The following ABCB5 variants were observed in gnomAD, a reference collection of about 807,000 sequenced individuals.
ABCB5 encodes the protein ATP binding cassette subfamily B member 5, also known as ATP-binding cassette sub-family B member 5.
ABCB5 carries 155 observed loss-of-function variants against 144.2 expected under a neutral mutation model. The ratio of observed to expected loss-of-function variants is 1.08; its 90% CI spans 0.94 to 1.23. The LOEUF (loss-of-function observed/expected upper bound fraction) is 1.23. Ranked by LOEUF, ABCB5 falls within the 50% of genes most tolerant of loss-of-function variation. The pLI is 0.00. For missense variants in ABCB5, 1,830 were observed against 1,520.8 expected (o/e 1.20, Z -3.38); for synonymous variants, 610 against 528.6 (o/e 1.15, Z -2.11).
chr7:20,689,706 G>T (rs1428816118), intron 16 of ABCB5, among the ~76,000 whole-genome samples: 1 of 152,146 alleles, frequency 6.6e-6, no homozygotes, highest in African/African-American at 2.4e-5. Flanking sequence ...AGCTTTCCCA[G>T]GGAGCACCAG....
intron 16 of ABCB5, 30 bp from the exon 17 acceptor site, chr7:20,698,377 G>T: frequency 6.5e-7 from 1 of 1,537,452 alleles, no homozygotes; most frequent in Non-Finnish European, 8.7e-7. Flanking sequence ...ACACAAACTG[G>T]CATTTTTAAC....
At chr7:20,617,369 A>T (rs1783711447) in intron 1 of ABCB5, among the ~76,000 whole-genome samples, 1 of 152,132 alleles carries the variant, frequency 6.6e-6, no homozygotes. Flanking sequence ...TTTAACATGC[A>T]CTCCAGGTGA....
intron 24 of ABCB5, among the ~76,000 whole-genome samples, chr7:20,741,318 CA>C (rs1365203914): frequency 6.6e-6 from 1 of 151,618 alleles, no homozygotes; most frequent in Non-Finnish European, 1.5e-5. Flanking sequence ...AGCTATTATA[CA>C]AAATACTTAC....
intron 4 of ABCB5, among the ~76,000 whole-genome samples, chr7:20,629,813 G>A (rs564332034): frequency 2.0e-5 from 3 of 152,158 alleles, no homozygotes; most frequent in South Asian, 2.1e-4. Flanking sequence ...AAATAATCAA[G>A]TATGATCAAA....
At chr7:20,620,323 T>A (rs1375427786) in intron 1 of ABCB5, among the ~76,000 whole-genome samples, 2 of 151,838 alleles carry the variant, frequency 1.3e-5, no homozygotes, top group African/African-American at 4.8e-5. Flanking sequence ...TGGGAAAAAA[T>A]TTTTGACACT....
At chr7:20,716,394 A>T (rs1457113857) in intron 20 of ABCB5, among the ~76,000 whole-genome samples, 1 of 152,192 alleles carries the variant, frequency 6.6e-6, no homozygotes, top group East Asian at 1.9e-4. Context: ...TTATAATTTT[A>T]AAAAATAGCT....
intron 20 of ABCB5, among the ~76,000 whole-genome samples, chr7:20,709,678 T>G (rs1223791367): frequency 2.0e-5 from 3 of 150,108 alleles, no homozygotes; most frequent in Non-Finnish European, 4.4e-5. Flanking sequence ...TGTAGCATGC[T>G]GAGAAGCAGG....
intron 5 of ABCB5, among the ~76,000 whole-genome samples, chr7:20,632,890 T>C (rs1001732441): frequency 3.3e-5 from 5 of 150,468 alleles, no homozygotes; most frequent in South Asian, 2.1e-4. Flanking sequence ...AGGGATAGCA[T>C]TGGGAGATAT....
rs190267847 is a variant in ABCB5, at chr7:20,731,103, C to T, written c.2867+2648C>T. Among the ~76,000 whole-genome samples the T allele has an allele frequency of 9.5e-4, 144 of 151,912 alleles. 1 individual carries two copies. Among genetic ancestry groups the T allele is most frequent in the African/African-American group, 3.4e-3 (139 of 41,414 alleles). On this transcript the variant is annotated intron_variant, in intron 23 of 27. Coordinates refer to ENST00000404938, the MANE Select transcript of ABCB5 (RefSeq NM_001163941.2). The stretch of plus-strand genomic sequence containing the variant: ...GGCACGGTGGCTCATGCCTGTAGTC[C>T]CAACACTTTGGGAGGCAGAGGTGGG...
chr7:20,719,464 T>C (rs2128048657), intron 20 of ABCB5, among the ~76,000 whole-genome samples: 1 of 152,358 alleles, frequency 6.6e-6, no homozygotes, highest in Middle Eastern at 3.4e-3. Context: ...ATTTATAATG[T>C]GCAAAAATGG....
chr7:20,652,570 A>G (rs1233344516), intron 13 of ABCB5, among the ~76,000 whole-genome samples: 2 of 143,200 alleles, frequency 1.4e-5, no homozygotes, highest in South Asian at 2.3e-4. Flanking sequence ...ACTTTATGGG[A>G]AAAAAAAGTG....
rs935128568 is a variant in ABCB5, at chr7:20,714,900, T to A, written c.2422-8116T>A. ...TGGTGTGTATAGTCCTTAGACAAAC[T>A]TTAAGTGACATGACTCTCAAATATT... On this transcript the variant is annotated intron_variant, in intron 20 of 27. Transcript: ENST00000404938. 3.9e-5 allele frequency among the ~76,000 whole-genome samples: 6 copies of A among 152,224 alleles called. No individual in the cohort carries two copies. In the South Asian group the frequency reaches 1.2e-3, roughly 31 times the overall value.
At chr7:20,739,779 T>C (rs1474698914) in intron 24 of ABCB5, among the ~76,000 whole-genome samples, 1 of 152,132 alleles carries the variant, frequency 6.6e-6, no homozygotes, top group African/African-American at 2.4e-5. Flanking sequence ...GACACCATTT[T>C]TCATGGGAAA....
At chr7:20,709,946 G>C (rs12674332) in intron 20 of ABCB5, among the ~76,000 whole-genome samples, 118,757 of 147,476 alleles carry the variant, frequency 0.81, 49,467 homozygotes, top group East Asian at 0.97. Flanking sequence ...GTGGTGGTGG[G>C]TGCCTGTAAT....
intron 1 of ABCB5, among the ~76,000 whole-genome samples, chr7:20,620,458 AAGAC>A (rs1226080045): frequency 6.6e-6 from 1 of 152,166 alleles, no homozygotes; most frequent in Non-Finnish European, 1.5e-5. Context: ...AGAGAGAAGA[AAGAC>A]AATCCACATA....
intron 26 of ABCB5, among the ~76,000 whole-genome samples, chr7:20,749,753 C>T (rs571632131): frequency 6.5e-4 from 99 of 152,132 alleles, no homozygotes; most frequent in African/African-American, 2.3e-3. Flanking sequence ...AGTAGAATCA[C>T]TTCTGGCTGG....
intron 26 of ABCB5, among the ~76,000 whole-genome samples, chr7:20,751,770 A>G (rs1295848361): frequency 1.3e-5 from 2 of 152,198 alleles, no homozygotes; most frequent in Non-Finnish European, 2.9e-5. Flanking sequence ...AGTTTTATCT[A>G]TGGTTCCAAA....
At chr7:20,722,375 T>C (rs1781895573) in intron 20 of ABCB5, among the ~76,000 whole-genome samples, 1 of 152,204 alleles carries the variant, frequency 6.6e-6, no homozygotes, top group Non-Finnish European at 1.5e-5. Context: ...TGTAAAATCC[T>C]GCTAAACTAT....
chr7:20,733,663 G>A (rs181550880), intron 23 of ABCB5, among the ~76,000 whole-genome samples: 200 of 145,444 alleles, frequency 1.4e-3, no homozygotes, highest in Middle Eastern at 3.5e-3. Flanking sequence ...TTTTAAGTTC[G>A]AGTCTCGCTC....
Sources: allele counts gnomAD v4.1 joint callset (sites outside exome capture counted in the v4.1 genomes callset), GRCh38; gene constraint gnomAD v4.1.1; transcripts MANE v1.5; gene names NCBI Gene and HGNC (gene_info 2026-07-23, HGNC 2026-07-21).